Variants in CPXM2 observed in about 807,000 individuals in gnomAD.
The protein encoded by CPXM2 is inactive carboxypeptidase-like protein X2.
CPXM2 carries 66 observed loss-of-function variants against 86.1 expected under a neutral mutation model. The ratio of observed to expected loss-of-function variants is 0.77; its 90% CI spans 0.63 to 0.94. The LOEUF is 0.94. Ranked by LOEUF, CPXM2 falls within the 40% of genes least tolerant of loss-of-function variation. CPXM2 has a pLI of 0.00. For missense variants in CPXM2, 948 were observed against 1,026.3 expected, an observed-to-expected ratio of 0.92 and a Z score of 1.04; for synonymous variants, 388 against 400.2, an observed-to-expected ratio of 0.97 and a Z score of 0.36.
intron 1 of CPXM2, among the ~76,000 whole-genome samples, chr10:123,889,607 G>A (rs2134247600): frequency 6.6e-6 from 1 of 152,228 alleles, no homozygotes; most frequent in South Asian, 2.1e-4. Context: ...CACATAAGCG[G>A]GCAGGCACAC....
intron 4 of CPXM2, among the ~76,000 whole-genome samples, chr10:123,811,140 T>TTTA (rs1564780771): frequency 8.7e-6 from 1 of 114,828 alleles, no homozygotes; most frequent in African/African-American, 3.3e-5. Context: ...CATTTTTTTT[T>TTTA]TTCTTTTTTC....
At chr10:123,855,580 G>A (rs536360683) in intron 3 of CPXM2, among the ~76,000 whole-genome samples, 28 of 152,288 alleles carry the variant, frequency 1.8e-4, no homozygotes, top group African/African-American at 6.3e-4. Context: ...GAGCACTGGG[G>A]CCAAAAGGTA....
chr10:123,808,989 A>G (rs1456615336), intron 4 of CPXM2, among the ~76,000 whole-genome samples: 1 of 145,188 alleles, frequency 6.9e-6, no homozygotes, highest in Non-Finnish European at 1.5e-5. Flanking sequence ...GAAACGAACA[A>G]TTCACAAGTT....
intron 4 of CPXM2, among the ~76,000 whole-genome samples, chr10:123,819,502 CCTT>C (rs1847882775): frequency 6.6e-6 from 1 of 152,210 alleles, no homozygotes; most frequent in African/African-American, 2.4e-5. Context: ...AGTATTTCCT[CCTT>C]CTTTTGTTAA....
chr10:123,812,523 T>A (rs528791950), intron 4 of CPXM2, among the ~76,000 whole-genome samples: 2 of 152,240 alleles, frequency 1.3e-5, no homozygotes, highest in African/African-American at 4.8e-5. Context: ...ATTATTTCCA[T>A]CAATCAGAGA....
chr10:123,812,899 A>G (rs942791442), intron 4 of CPXM2, among the ~76,000 whole-genome samples: 2 of 152,118 alleles, frequency 1.3e-5, no homozygotes, highest in African/African-American at 4.8e-5. Context: ...AAGGTTGGGG[A>G]CTGCTGTTCT....
intron 3 of CPXM2, among the ~76,000 whole-genome samples, chr10:123,861,985 G>A (rs138805537): frequency 7.6e-4 from 116 of 152,304 alleles, no homozygotes; most frequent in African/African-American, 2.4e-3. Context: ...AGAATTGCAC[G>A]GCGTGTAGAG....
At chr10:123,914,062 T>C (rs1490890630) in intron 2 of CPXM2, 3 of 488,654 alleles carry the variant, frequency 6.1e-6, no homozygotes, top group East Asian at 1.1e-4. Flanking sequence ...ATTTGGTGGC[T>C]TGACCTCTTT....
At chr10:123,931,212 G>T (rs1945663726) in intron 2 of CPXM2, among the ~76,000 whole-genome samples, 1 of 152,086 alleles carries the variant, frequency 6.6e-6, no homozygotes, top group African/African-American at 2.4e-5. Flanking sequence ...AGGAAGGGAG[G>T]TGAGAACATC....
At chr10:123,761,792 T>C in intron 11 of CPXM2, 80 bp downstream of exon 11, 1 of 1,403,490 alleles carries the variant, frequency 7.1e-7, no homozygotes, top group South Asian at 1.2e-5. Context: ...AGGACAGTAG[T>C]GACACCAGGA....
At chr10:123,839,948 A>G (rs7900253) in intron 4 of CPXM2, among the ~76,000 whole-genome samples, 59,516 of 152,098 alleles carry the variant, frequency 0.39, 15,139 homozygotes, top group African/African-American at 0.73. Flanking sequence ...AGATGTTCCC[A>G]TACTGTCTGA....
At chr10:123,799,266 T>G (rs1847402402) in intron 4 of CPXM2, 67 bp from the exon 5 acceptor site, 1 of 1,593,776 alleles carries the variant, frequency 6.3e-7, no homozygotes. Context: ...TGAAGAGGTT[T>G]AGAAGTGAGG....
At chr10:123,777,393 C>T (rs1046661706) in intron 7 of CPXM2, 2 of 152,700 alleles carry the variant, frequency 1.3e-5, no homozygotes, top group South Asian at 2.1e-4. Flanking sequence ...CACAGAAGCA[C>T]ACCAGGCCTC....
intron 11 of CPXM2, among the ~76,000 whole-genome samples, chr10:123,760,023 T>C (rs1846298004): frequency 6.6e-6 from 1 of 152,156 alleles, no homozygotes; most frequent in Admixed American, 6.5e-5. Flanking sequence ...TAATCTACAA[T>C]GCAATGAATC....
intron 8 of CPXM2, 96 bp downstream of exon 8, chr10:123,770,820 G>A (rs139060383): frequency 7.5e-6 from 10 of 1,340,676 alleles, no homozygotes; most frequent in South Asian, 7.1e-5. Context: ...CTGATGCCCT[G>A]TGGCATGAAT....
In CPXM2 at chr10:123,746,730, T is replaced by G. The variant is rs775166378; in HGVS notation, c.*34A>C. 1 of 1,607,118 alleles carries G rather than the reference T, an allele frequency of 6.2e-7. No homozygotes were observed. The highest frequency in any genetic ancestry group is 2.2e-5 in the East Asian group (1 of 44,818). ...TACTACCAGGTTGGTTTAATTTGCA[T>G]GGGTCCCAGACGAGTCTCAAGGGCC... On this transcript the variant is annotated 3_prime_UTR_variant, in exon 14 of 14. Transcript: ENST00000241305.
At chr10:123,929,155 G>GGGCAA (rs1945646278) in intron 2 of CPXM2, among the ~76,000 whole-genome samples, 1 of 152,244 alleles carries the variant, frequency 6.6e-6, no homozygotes, top group Admixed American at 6.5e-5. Flanking sequence ...GGATGGGGCA[G>GGGCAA]GCAGTGCCAG....
At chr10:123,902,853 A>G (rs894154518) in intron 2 of CPXM2, among the ~76,000 whole-genome samples, 4 of 152,224 alleles carry the variant, frequency 2.6e-5, no homozygotes, top group Admixed American at 6.5e-5. Flanking sequence ...GTCATTCTTC[A>G]TGATGATTGT....
At chr10:123,751,071 G>A (rs1159814325) in intron 13 of CPXM2, 36 of 985,052 alleles carry the variant, frequency 3.7e-5, no homozygotes, top group African/African-American at 1.2e-4. Flanking sequence ...GCATTCATGC[G>A]TGCCAAGCCT....
Sources: gnomAD v4.1 joint callset for allele counts (sites outside exome capture counted in the v4.1 genomes callset) on GRCh38, gnomAD v4.1.1 for gene constraint, MANE v1.5 for transcripts, NCBI Gene and HGNC (gene_info 2026-07-23, HGNC 2026-07-21) for gene names.